FRMD4A: variants seen among roughly 807,000 people sequenced by gnomAD.
The protein encoded by FRMD4A is FERM domain containing 4A, also known as FERM domain-containing protein 4A.
In FRMD4A, 29 loss-of-function variants were observed where a neutral mutation model predicts 129.1. The observed-to-expected ratio is 0.22, with a 90% CI of 0.17 to 0.31. The LOEUF is 0.31. FRMD4A is among the 10% of genes least tolerant of loss of function. The probability of loss-of-function intolerance (pLI) is 1.00; values close to 1 mark genes in which losing one functional copy is unlikely to be tolerated. For missense variants in FRMD4A, 1,272 were observed against 1,375.8 expected, an observed-to-expected ratio of 0.92 and a Z score of 1.19; for synonymous variants, 634 against 571.6, an observed-to-expected ratio of 1.11 and a Z score of -1.56.
At chr10:13,941,063 G>C (rs577657414) in intron 2 of FRMD4A, among the ~76,000 whole-genome samples, 1 of 152,190 alleles carries the variant, frequency 6.6e-6, no homozygotes, top group Non-Finnish European at 1.5e-5. Context: ...GGACTTGAAA[G>C]GGTCCAATTT....
intron 2 of FRMD4A, chr10:13,891,758 G>T: frequency 1.0e-6 from 1 of 982,402 alleles, no homozygotes; most frequent in Non-Finnish European, 1.2e-6. Flanking sequence ...CAGCTGGCGA[G>T]CCCCCGCCCC....
At chr10:13,836,068 G>A (rs2093869187) in intron 3 of FRMD4A, among the ~76,000 whole-genome samples, 1 of 152,216 alleles carries the variant, frequency 6.6e-6, no homozygotes, top group South Asian at 2.1e-4. Flanking sequence ...CACGATCTCA[G>A]CTCACTGCAG....
At chr10:14,297,259 G>A (rs1488749483) in intron 2 of FRMD4A, among the ~76,000 whole-genome samples, 1 of 152,002 alleles carries the variant, frequency 6.6e-6, no homozygotes, top group Admixed American at 6.6e-5. Context: ...TAAGGCACAT[G>A]ACAGTCAGGT....
At chr10:14,028,559 A>G (rs909046307) in intron 2 of FRMD4A, among the ~76,000 whole-genome samples, 1 of 152,186 alleles carries the variant, frequency 6.6e-6, no homozygotes, top group African/African-American at 2.4e-5. Flanking sequence ...CTCTTATGAA[A>G]ATCCAGATAT....
intron 18 of FRMD4A, among the ~76,000 whole-genome samples, 156 bp downstream of exon 18, chr10:13,665,941 C>T (rs2134690907): frequency 6.6e-6 from 1 of 152,324 alleles, no homozygotes; most frequent in South Asian, 2.1e-4. Flanking sequence ...CATGTGGGAT[C>T]AGGCCTTACT....
chr10:14,278,213 C>T (rs186304787), intron 2 of FRMD4A, among the ~76,000 whole-genome samples: 1 of 152,308 alleles, frequency 6.6e-6, no homozygotes, highest in East Asian at 1.9e-4. Flanking sequence ...GTCCAAGGAA[C>T]AGCCTGTCCT....
chr10:13,672,882 C>G (rs1284281385), intron 16 of FRMD4A, among the ~76,000 whole-genome samples: 1 of 152,224 alleles, frequency 6.6e-6, no homozygotes, highest in African/African-American at 2.4e-5. Context: ...GGAATGATCA[C>G]AGGAGAAATC....
chr10:14,152,227 A>C (rs1840377594), intron 2 of FRMD4A, among the ~76,000 whole-genome samples: 1 of 136,664 alleles, frequency 7.3e-6, no homozygotes, highest in Non-Finnish European at 1.5e-5. Flanking sequence ...TCCTGGGTTC[A>C]TGCCATTCTC....
chr10:13,955,016 T>C (rs2131343818), intron 2 of FRMD4A, among the ~76,000 whole-genome samples: 1 of 152,258 alleles, frequency 6.6e-6, no homozygotes, highest in East Asian at 1.9e-4. Flanking sequence ...GGCCAGTTTT[T>C]CAAATGTCAC....
intron 2 of FRMD4A, among the ~76,000 whole-genome samples, chr10:14,249,978 T>TATTC (rs1844379247): frequency 6.6e-6 from 1 of 152,220 alleles, no homozygotes; most frequent in Admixed American, 6.5e-5. Flanking sequence ...TTTATTTATT[T>TATTC]ATTTATTTGA....
intron 2 of FRMD4A, among the ~76,000 whole-genome samples, chr10:14,230,049 A>G (rs1843583730): frequency 6.6e-6 from 1 of 152,248 alleles, no homozygotes; most frequent in Non-Finnish European, 1.5e-5. Flanking sequence ...TCAGAGCTCA[A>G]CTGCACAGGG....
chr10:14,201,555 T>C (rs979954473), intron 2 of FRMD4A, among the ~76,000 whole-genome samples: 5 of 152,136 alleles, frequency 3.3e-5, no homozygotes, highest in African/African-American at 1.2e-4. Context: ...TCCCATTCGC[T>C]TTTCTGCCTT....
At chr10:13,649,856 A>T (rs1422127711) in intron 24 of FRMD4A, among the ~76,000 whole-genome samples, 3 of 152,244 alleles carry the variant, frequency 2.0e-5, no homozygotes, top group Non-Finnish European at 4.4e-5. Context: ...GCCACTAAAT[A>T]GTTGCCCTAG....
At chr10:14,318,812 A>G (rs2132116489) in intron 2 of FRMD4A, among the ~76,000 whole-genome samples, 1 of 152,308 alleles carries the variant, frequency 6.6e-6, no homozygotes, top group Non-Finnish European at 1.5e-5. Flanking sequence ...CCACATCGAC[A>G]TGTCCTTCAT....
chr10:13,962,792 G>C (rs536070219), intron 2 of FRMD4A, among the ~76,000 whole-genome samples: 169 of 152,320 alleles, frequency 1.1e-3, no homozygotes, highest in African/African-American at 3.8e-3. Flanking sequence ...TATGGCGGGA[G>C]AGACAGAACC....
chr10:14,273,998 T>G (rs1845253463), intron 2 of FRMD4A, among the ~76,000 whole-genome samples: 2 of 151,978 alleles, frequency 1.3e-5, no homozygotes, highest in South Asian at 4.2e-4. Context: ...AGGGAGATGG[T>G]GGGGGGAGAA....
intron 12 of FRMD4A, among the ~76,000 whole-genome samples, chr10:13,719,067 C>T (rs550454534): frequency 3.3e-5 from 5 of 152,330 alleles, no homozygotes; most frequent in South Asian, 2.1e-4. Context: ...GTCACACAGA[C>T]GCCACATGGT....
At chr10:13,855,379 T>C (rs977759839) in intron 3 of FRMD4A, among the ~76,000 whole-genome samples, 1 of 152,184 alleles carries the variant, frequency 6.6e-6, no homozygotes. Flanking sequence ...ATGAGTATGC[T>C]ATCCTCATAG....
At chr10:14,090,561 G>A (rs912921038) in intron 2 of FRMD4A, among the ~76,000 whole-genome samples, 4 of 152,208 alleles carry the variant, frequency 2.6e-5, no homozygotes, top group Non-Finnish European at 5.9e-5. Flanking sequence ...GAGCCAGGCA[G>A]CATCCCCCCA....
Sources: gnomAD v4.1 joint callset for allele counts (sites outside exome capture counted in the v4.1 genomes callset) on GRCh38, gnomAD v4.1.1 for gene constraint, MANE v1.5 for transcripts, NCBI Gene and HGNC (gene_info 2026-07-23, HGNC 2026-07-21) for gene names.